ANKIB1: variants seen among roughly 807,000 people sequenced by gnomAD.
ANKIB1 encodes the protein ankyrin repeat and IBR domain-containing protein 1.
In ANKIB1, 43 loss-of-function variants were observed where a neutral mutation model predicts 122.1. That is an observed-to-expected ratio of 0.35 (90% CI 0.28 to 0.45). ANKIB1 has a LOEUF of 0.45. Ranked by LOEUF, ANKIB1 falls within the 20% of genes least tolerant of loss-of-function variation. The probability of loss-of-function intolerance (pLI) is 1.00; values close to 1 mark genes in which losing one functional copy is unlikely to be tolerated. For missense variants in ANKIB1, 992 were observed against 1,329.5 expected (o/e 0.75, Z 3.95); for synonymous variants, 390 against 442.0 (o/e 0.88, Z 1.48).
intron 11 of ANKIB1, among the ~76,000 whole-genome samples, chr7:92,371,820 T>C (rs1211339505): frequency 1.3e-5 from 2 of 151,482 alleles, no homozygotes; most frequent in African/African-American, 2.4e-5. Context: ...TCTACAGAAA[T>C]AAAAACAAAA....
chr7:92,257,800 AT>A (rs1191513489), intron 1 of ANKIB1, among the ~76,000 whole-genome samples: 12 of 152,214 alleles, frequency 7.9e-5, no homozygotes, highest in Non-Finnish European at 1.3e-4. Context: ...CTCAAAAAAA[AT>A]AAAATAAAAT....
rs371866651 is a variant in ANKIB1 at position 92,319,507 on chromosome 7, C to G, written c.664C>G (p.Arg222Gly). ...IEAEYAALDK[R>G]EPYEGLRPQD... ...AGCTGAATATGCTGCATTAGACAAACGAGAGGTCAGTTTATTTTTTCTTCT... is the reference window on the plus strand; with the variant it reads ...AGCTGAATATGCTGCATTAGACAAAGGAGAGGTCAGTTTATTTTTTCTTCT... Residue 222 changes from arginine to glycine, a missense_variant, in exon 4 of 20, where the codon CGA (arginine) becomes GGA (glycine). Physicochemically the swap from Arg to Gly is moderately radical, Grantham distance 125. This residue lies in a region of ANKIB1 where 521 missense variants were observed against 777.7 expected (regional missense o/e 0.67). Coordinates refer to ENST00000265742, the MANE Select transcript of ANKIB1 (RefSeq NM_019004.2). 1.3e-6 allele frequency: 2 copies of G among 1,596,952 alleles called. No homozygotes were observed. The highest frequency in any genetic ancestry group is 2.7e-5 in the African/African-American group (2 of 73,718).
chr7:92,324,834 T>C (rs999745845), intron 4 of ANKIB1, among the ~76,000 whole-genome samples: 1 of 152,240 alleles, frequency 6.6e-6, no homozygotes, highest in African/African-American at 2.4e-5. Context: ...CCACCTCTTA[T>C]TTCCATCATT....
intron 1 of ANKIB1, among the ~76,000 whole-genome samples, chr7:92,291,752 A>G (rs1585091629): frequency 6.6e-6 from 1 of 151,588 alleles, no homozygotes; most frequent in African/African-American, 2.4e-5. Flanking sequence ...AATTTTTTGT[A>G]TTTTTAGTAG....
In ANKIB1 at chr7:92,294,947, G is replaced by A. The variant is rs1802323498; in HGVS notation, c.-32G>A. On this transcript the variant is annotated 5_prime_UTR_variant, in exon 2 of 20. Transcript: ENST00000265742. ...TGGCTGAAGATAGAAGGAAAAAAGTGCCACTGCCTATCAGAAAAAACAAAA... is the reference window on the plus strand; with the variant it reads ...TGGCTGAAGATAGAAGGAAAAAAGTACCACTGCCTATCAGAAAAAACAAAA... 2.6e-6 allele frequency: 4 copies of A among 1,533,828 alleles called. No individual in the cohort carries two copies. In the South Asian group the frequency reaches 3.8e-5, roughly 15 times the overall value.
At chr7:92,371,699 C>T in intron 11 of ANKIB1, 92 bp downstream of exon 11, 2 of 1,393,430 alleles carry the variant, frequency 1.4e-6, no homozygotes, top group Non-Finnish European at 1.9e-6. Flanking sequence ...TTGAGGGGGC[C>T]TGGTGCAGTG....
rs1041380902 is a variant in ANKIB1 at position 92,257,022 on chromosome 7, T to G, written c.-91+10503T>G. 3.2e-4 allele frequency among the ~76,000 whole-genome samples: 48 copies of G among 151,960 alleles called. 1 individual carries two copies. Among genetic ancestry groups the G allele is most frequent in the African/African-American group, 1.1e-3 (47 of 41,338 alleles). On this transcript the variant is annotated intron_variant, in intron 1 of 19. Coordinates refer to ENST00000265742, the MANE Select transcript of ANKIB1 (RefSeq NM_019004.2). ...CTGGCCAACATGGTGAATCCCTGTC[T>G]CTACTAAAAATACAAAAATTAGCTG...
At chr7:92,261,348 CAAA>C (rs765326035) in intron 1 of ANKIB1, among the ~76,000 whole-genome samples, 3 of 63,738 alleles carry the variant, frequency 4.7e-5, no homozygotes, top group Non-Finnish European at 1.0e-4. Flanking sequence ...GACTCCGTCT[CAAA>C]AAAAAAAAAA....
chr7:92,331,115 G>A (rs1355550471), intron 5 of ANKIB1, among the ~76,000 whole-genome samples: 1 of 152,082 alleles, frequency 6.6e-6, no homozygotes, highest in Non-Finnish European at 1.5e-5. Context: ...GGTTAGGGTA[G>A]GCTGCTGCTG....
At chr7:92,328,655 A>T (rs1803080846) in intron 5 of ANKIB1, among the ~76,000 whole-genome samples, 1 of 152,036 alleles carries the variant, frequency 6.6e-6, no homozygotes, top group Non-Finnish European at 1.5e-5. Flanking sequence ...TGCAGGATTT[A>T]AAAAATAAAA....
At chr7:92,341,074 G>A (rs566814068) in intron 5 of ANKIB1, among the ~76,000 whole-genome samples, 39 of 152,292 alleles carry the variant, frequency 2.6e-4, no homozygotes, top group African/African-American at 9.1e-4. Context: ...TGAGGCCGAG[G>A]TGGGCAGATC....
chr7:92,275,364 T>A (rs1047610711), intron 1 of ANKIB1, among the ~76,000 whole-genome samples: 1 of 152,170 alleles, frequency 6.6e-6, no homozygotes, highest in Non-Finnish European at 1.5e-5. Context: ...AACAGATGTT[T>A]AAAAAGTATT....
intron 7 of ANKIB1, among the ~76,000 whole-genome samples, chr7:92,348,689 A>G (rs1803596325): frequency 1.3e-5 from 2 of 152,282 alleles, no homozygotes; most frequent in Admixed American, 6.5e-5. Context: ...AGGCCACAAT[A>G]TACCTTATAT....
chr7:92,353,290 G>T (rs1044748587), intron 9 of ANKIB1, among the ~76,000 whole-genome samples: 1 of 152,132 alleles, frequency 6.6e-6, no homozygotes, highest in African/African-American at 2.4e-5. Flanking sequence ...GTTTTGCTTA[G>T]TTTCTAGTGC....
At chr7:92,343,322 G>C in intron 6 of ANKIB1, 90 bp downstream of exon 6, 1 of 1,209,558 alleles carries the variant, frequency 8.3e-7, no homozygotes, top group Non-Finnish European at 1.2e-6. Flanking sequence ...GGAGTGTCTG[G>C]TTGTGTTCTT....
At chr7:92,311,817 G>T (rs1180257649) in intron 3 of ANKIB1, among the ~76,000 whole-genome samples, 1 of 152,030 alleles carries the variant, frequency 6.6e-6, no homozygotes, top group African/African-American at 2.4e-5. Flanking sequence ...ATGGTATGTA[G>T]AGAGTTGCAT....
At chr7:92,323,349 T>G (rs1802953827) in intron 4 of ANKIB1, among the ~76,000 whole-genome samples, 1 of 152,214 alleles carries the variant, frequency 6.6e-6, no homozygotes, top group Non-Finnish European at 1.5e-5. Flanking sequence ...CTGATTATCG[T>G]GTAAATTGAC....
At chr7:92,304,623 G>A (rs1802521161) in intron 2 of ANKIB1, among the ~76,000 whole-genome samples, 1 of 152,110 alleles carries the variant, frequency 6.6e-6, no homozygotes, top group African/African-American at 2.4e-5. Context: ...TACAGAATCA[G>A]ATAGCTTTAA....
rs529318399 is a variant in ANKIB1, at chr7:92,344,562, C to T, written c.997-416C>T. On this transcript the variant is annotated intron_variant, in intron 6 of 19. Coordinates refer to ENST00000265742, the MANE Select transcript of ANKIB1 (RefSeq NM_019004.2). ...TGGAAAGTGTGGATATCTTGAGTTG[C>T]TGCATTAAAAATACAAAGTTACTCT... Among the ~76,000 whole-genome samples, 6 of 152,108 alleles carry T rather than the reference C, an allele frequency of 3.9e-5. No individual in the cohort carries two copies. The South Asian group carries it at 1.2e-3, about 32-fold the overall frequency.
Sources: gnomAD v4.1 joint callset for allele counts (sites outside exome capture counted in the v4.1 genomes callset) on GRCh38, gnomAD v4.1.1 for gene constraint, gnomAD v4.1.1 regional missense constraint, MANE v1.5 for transcripts, NCBI Gene and HGNC (gene_info 2026-07-23, HGNC 2026-07-21) for gene names.